The following LYSMD2 variants were observed in gnomAD, a reference collection of about 807,000 sequenced individuals.
The protein encoded by LYSMD2 is LysM domain containing 2, also known as lysM and putative peptidoglycan-binding domain-containing protein 2.
A neutral mutation model predicts 17.7 loss-of-function variants in LYSMD2; 6 were observed. The observed-to-expected ratio is 0.34, with a 90% CI of 0.19 to 0.67. The LOEUF is 0.67. Among genes scored for constraint, LYSMD2 ranks in the 30% least tolerant of loss-of-function variants. The probability of loss-of-function intolerance (pLI) is 0.69; values close to 1 mark genes in which losing one functional copy is unlikely to be tolerated. For synonymous variants in LYSMD2, 102 were observed against 129.8 expected (o/e 0.79, Z 1.45); for missense variants, 237 against 286.7 (o/e 0.83, Z 1.25).
At chr15:51,728,396 AACACACAC>A (rs61106396) in intron 1 of LYSMD2, among the ~76,000 whole-genome samples, 181 of 144,934 alleles carry the variant, frequency 1.2e-3, no homozygotes, top group African/African-American at 3.9e-3. Flanking sequence ...TCCAGGAGAA[AACACACAC>A]ACACACACAC....
upstream of LYSMD2, chr15:51,737,716 G>A: frequency 1.1e-6 from 1 of 924,706 alleles, no homozygotes; most frequent in South Asian, 5.5e-5. This position sits in a 1 kb window ranked among gnomAD's most constrained non-coding sequence, Gnocchi z 4.2. Context: ...TCTTCACAGG[G>A]GCTGCAGCAG....
At position 51,737,312 on chromosome 15, in the gene LYSMD2, A is replaced by T; in HGVS notation, c.273+38T>A. ...CGAGCCGCACCGCCTCCTGCGCGGTAGCTGCCAGCCCGGGCCGCGGCGGCG... is the reference window on the plus strand; with the variant it reads ...CGAGCCGCACCGCCTCCTGCGCGGTTGCTGCCAGCCCGGGCCGCGGCGGCG... On this transcript the variant is annotated intron_variant, in intron 1 of 2. Coordinates refer to ENST00000267838, the MANE Select transcript of LYSMD2 (RefSeq NM_153374.3). This position sits in a 1 kb window ranked among gnomAD's most constrained non-coding sequence, Gnocchi z 4.2. 2.7e-6 allele frequency: 3 copies of T among 1,126,000 alleles called. No homozygotes were observed. The highest frequency in any genetic ancestry group is 3.3e-6 in the Non-Finnish European group (3 of 913,834). 69.8% of individuals were successfully genotyped at this position (1,126,000 alleles called of 1,614,324 possible).
intron 1 of LYSMD2, among the ~76,000 whole-genome samples, chr15:51,744,426 T>C (rs2055657407): frequency 6.6e-6 from 1 of 152,158 alleles, no homozygotes; most frequent in Non-Finnish European, 1.5e-5. Context: ...CTTTAGCCTG[T>C]TGATGTGATA....
chr15:51,737,677 C>T (rs1036226711), upstream of LYSMD2: 5 of 1,166,590 alleles, frequency 4.3e-6, no homozygotes, highest in Non-Finnish European at 5.3e-6. This position sits in a 1 kb window ranked among gnomAD's most constrained non-coding sequence, Gnocchi z 4.2. Context: ...GGCGCCTCCT[C>T]CTCCTCCGCC....
At chr15:51,737,876 C>A, upstream of LYSMD2, 1 of 269,112 alleles carries the variant, frequency 3.7e-6, no homozygotes, top group Non-Finnish European at 6.9e-6. This position sits in a 1 kb window ranked among gnomAD's most constrained non-coding sequence, Gnocchi z 4.2. Context: ...CCCGCCGCGG[C>A]CTGCCGGTAC....
At chr15:51,739,450 G>A (rs2055632501), upstream of LYSMD2, among the ~76,000 whole-genome samples, 1 of 152,170 alleles carries the variant, frequency 6.6e-6, no homozygotes, top group Admixed American at 6.5e-5. Flanking sequence ...TAAACTTTTG[G>A]GTGGTATCCA....
rs1358307451 is a variant in LYSMD2, at chr15:51,737,049, G to C, written c.273+301C>G. Among the ~76,000 whole-genome samples, 2 of 152,176 alleles carry C rather than the reference G, an allele frequency of 1.3e-5. No homozygotes were observed. Among genetic ancestry groups the C allele is most frequent in the Non-Finnish European group, 2.9e-5 (2 of 68,018 alleles). ...TAGTCCTCTTCGGCCTCCCTCACGCGACAGATCTAGTCTGAGCCTGGGCGG... is the reference window on the plus strand; with the variant it reads ...TAGTCCTCTTCGGCCTCCCTCACGCCACAGATCTAGTCTGAGCCTGGGCGG... On this transcript the variant is annotated intron_variant, in intron 1 of 2. Transcript: ENST00000267838. The surrounding 1 kb of genome is among the most constrained non-coding windows in gnomAD (Gnocchi z 4.2).
At chr15:51,740,274 T>C (rs2055636380), upstream of LYSMD2, among the ~76,000 whole-genome samples, 1 of 152,242 alleles carries the variant, frequency 6.6e-6, no homozygotes, top group South Asian at 2.1e-4. Flanking sequence ...TGTTTTTTTG[T>C]TTTTTTGTTT....
intron 1 of LYSMD2, among the ~76,000 whole-genome samples, chr15:51,747,848 A>C (rs1039362168): frequency 9.2e-5 from 14 of 152,260 alleles, no homozygotes; most frequent in Non-Finnish European, 1.9e-4. Context: ...TTTAATTCAT[A>C]ATTCATCAAC....
chr15:51,746,647 GAA>G (rs1344785222), intron 1 of LYSMD2, among the ~76,000 whole-genome samples: 2 of 152,044 alleles, frequency 1.3e-5, no homozygotes, highest in African/African-American at 2.4e-5. Context: ...TAGAGAGAGA[GAA>G]AGAGAGAGAA....
chr15:51,748,115 C>T (rs1411233027), intron 1 of LYSMD2, among the ~76,000 whole-genome samples: 1 of 151,900 alleles, frequency 6.6e-6, no homozygotes, highest in Non-Finnish European at 1.5e-5. Context: ...TACTAAAATA[C>T]AAAGAATTAG....
intron 1 of LYSMD2, among the ~76,000 whole-genome samples, chr15:51,747,025 A>G (rs2055671352): frequency 6.8e-6 from 1 of 147,748 alleles, no homozygotes; most frequent in African/African-American, 2.6e-5. Context: ...ACTAAAAAAA[A>G]AAAAAAAAAA....
chr15:51,726,080 G>A (rs1218970712), intron 1 of LYSMD2, among the ~76,000 whole-genome samples: 1 of 152,142 alleles, frequency 6.6e-6, no homozygotes, highest in African/African-American at 2.4e-5. Flanking sequence ...TGTTCATCCT[G>A]CTTTGTTATA....
chr15:51,750,383 A>G (rs2055692298), intron 1 of LYSMD2, among the ~76,000 whole-genome samples: 1 of 152,230 alleles, frequency 6.6e-6, no homozygotes, highest in Non-Finnish European at 1.5e-5. Context: ...CTCGTGCCAG[A>G]CAGACTATAA....
chr15:51,747,950 A>G (rs948455578), intron 1 of LYSMD2, among the ~76,000 whole-genome samples: 1 of 152,128 alleles, frequency 6.6e-6, no homozygotes, highest in African/African-American at 2.4e-5. Flanking sequence ...TAATAACCCC[A>G]TGTGGTAAGT....
chr15:51,729,160 C>G (rs1220905108), intron 1 of LYSMD2, among the ~76,000 whole-genome samples: 1 of 152,324 alleles, frequency 6.6e-6, no homozygotes, highest in East Asian at 1.9e-4. Context: ...TAGCAAATGC[C>G]CTGGGGCAGG....
chr15:51,734,553 C>T (rs1434422700), intron 1 of LYSMD2, among the ~76,000 whole-genome samples: 2 of 152,036 alleles, frequency 1.3e-5, no homozygotes, highest in Non-Finnish European at 2.9e-5. Context: ...GCCTGACACC[C>T]AGCTGGGTGG....
intron 1 of LYSMD2, among the ~76,000 whole-genome samples, chr15:51,730,418 A>G (rs947693579): frequency 6.6e-6 from 1 of 152,238 alleles, no homozygotes; most frequent in Non-Finnish European, 1.5e-5. Context: ...TGGGAGGATG[A>G]GGCAGGAGAA....
At chr15:51,744,073 C>T (rs891670557) in intron 1 of LYSMD2, among the ~76,000 whole-genome samples, 4 of 152,028 alleles carry the variant, frequency 2.6e-5, no homozygotes, top group Non-Finnish European at 4.4e-5. Flanking sequence ...CATAGATAAT[C>T]ATGTTATCTA....
Sources: allele counts gnomAD v4.1 joint callset (sites outside exome capture counted in the v4.1 genomes callset), GRCh38; gene constraint gnomAD v4.1.1; non-coding constraint Gnocchi (gnomAD v3.1); transcripts MANE v1.5; gene names NCBI Gene and HGNC (gene_info 2026-07-23, HGNC 2026-07-21).